COG2: variants seen among roughly 807,000 people sequenced by gnomAD.
COG2 encodes the protein conserved oligomeric Golgi complex subunit 2.
COG2 carries 52 observed loss-of-function variants against 90.6 expected under a neutral mutation model. The observed-to-expected ratio is 0.57, with a 90% CI of 0.46 to 0.72. The LOEUF (loss-of-function observed/expected upper bound fraction) is 0.72. COG2 is among the 30% of genes least tolerant of loss of function. The pLI, the probability that COG2 is intolerant of heterozygous loss-of-function variation, is 0.00. For synonymous variants in COG2, 337 were observed against 320.4 expected, an observed-to-expected ratio of 1.05 and a Z score of -0.55; for missense variants, 829 against 891.2, an observed-to-expected ratio of 0.93 and a Z score of 0.89.
At chr1:230,689,927 T>C in intron 15 of COG2, 87 bp from the exon 16 acceptor site, 1 of 1,326,398 alleles carries the variant, frequency 7.5e-7, no homozygotes, top group Non-Finnish European at 1.0e-6. Flanking sequence ...GTTAATAGTA[T>C]CCTTTTGGAC....
At chr1:230,651,277 T>C (rs1418757841) in intron 1 of COG2, among the ~76,000 whole-genome samples, 1 of 152,136 alleles carries the variant, frequency 6.6e-6, no homozygotes, top group Non-Finnish European at 1.5e-5. Flanking sequence ...TTTTACTTTT[T>C]GACGTTCAGC....
rs766265749 is a variant in COG2 at position 230,659,507 on chromosome 1, G to A, written c.116G>A (p.Arg39Gln). 3.0e-5 allele frequency: 49 copies of A among 1,613,842 alleles called. 1 individual carries two copies. In the South Asian group the frequency reaches 4.1e-4, roughly 13 times the overall value. ...VDHFVSDCRK[R>Q]VQLEELRDDL... is the part of the protein sequence containing the mutation. The stretch of plus-strand genomic sequence containing the variant: ...CATTTTGTGTCTGACTGTAGGAAGC[G>A]GGTCCAGCTGGAAGAACTGAGAGAT... Residue 39 changes from arginine (R) to glutamine (Q), a missense_variant, in exon 2 of 18, where the codon CGG (arginine) becomes CAG (glutamine). Physicochemically the swap from Arg to Gln is conservative, Grantham distance 43 (BLOSUM62 1). Coordinates refer to ENST00000366669, the MANE Select transcript of COG2 (RefSeq NM_007357.3).
chr1:230,642,709 G>A (rs1661653900), intron 1 of COG2, 31 bp downstream of exon 1: 6 of 1,600,602 alleles, frequency 3.7e-6, no homozygotes, highest in Middle Eastern at 1.7e-4. Context: ...CCGGAGCCGG[G>A]CCATGAGGGT....
At chr1:230,680,807 C>T (rs981887833) in intron 10 of COG2, 11 of 152,058 alleles carry the variant, frequency 7.2e-5, no homozygotes, top group African/African-American at 2.7e-4. Flanking sequence ...TGATTTTTAT[C>T]AGGTGTTGAG....
At chr1:230,647,224 T>A (rs1661809493) in intron 1 of COG2, among the ~76,000 whole-genome samples, 1 of 152,200 alleles carries the variant, frequency 6.6e-6, no homozygotes, top group Non-Finnish European at 1.5e-5. Flanking sequence ...CTATCTTGGT[T>A]ATCTGATTGA....
At chr1:230,681,364 A>C (rs1662743535) in intron 10 of COG2, 1 of 152,202 alleles carries the variant, frequency 6.6e-6, no homozygotes, top group Non-Finnish European at 1.5e-5. Context: ...TGCTGAACAC[A>C]GTCTTATGAT....
At chr1:230,687,239 G>C (rs949217762) in intron 13 of COG2, 107 bp downstream of exon 13, 1 of 849,538 alleles carries the variant, frequency 1.2e-6, no homozygotes. Flanking sequence ...CTTAAATTGG[G>C]GGACCCGTGG....
intron 4 of COG2, among the ~76,000 whole-genome samples, chr1:230,664,229 A>G (rs138275408): frequency 6.6e-6 from 1 of 151,518 alleles, no homozygotes; most frequent in Non-Finnish European, 1.5e-5. Flanking sequence ...AGGATATAAT[A>G]TAAGAAACCA....
chr1:230,663,714 A>T (rs943599989), intron 4 of COG2, among the ~76,000 whole-genome samples: 5 of 152,226 alleles, frequency 3.3e-5, no homozygotes, highest in Non-Finnish European at 7.3e-5. Flanking sequence ...ATGAGTTTTT[A>T]TAATGTTCCT....
At chr1:230,691,317 C>G in intron 16 of COG2, 67 bp from the exon 17 acceptor site, 1 of 1,375,626 alleles carries the variant, frequency 7.3e-7, no homozygotes, top group Non-Finnish European at 9.7e-7. Context: ...GTCCACAAAG[C>G]CAGTTACTCT....
chr1:230,659,036 T>G (rs1171766525), intron 1 of COG2, among the ~76,000 whole-genome samples: 1 of 152,160 alleles, frequency 6.6e-6, no homozygotes, highest in Non-Finnish European at 1.5e-5. Context: ...ATTAATAGAT[T>G]AATAGTGCTT....
intron 1 of COG2, among the ~76,000 whole-genome samples, chr1:230,643,686 C>T (rs1479898728): frequency 1.3e-5 from 2 of 152,118 alleles, no homozygotes; most frequent in African/African-American, 4.8e-5. Flanking sequence ...GTATCTTCTC[C>T]AGTGTGACCA....
intron 8 of COG2, among the ~76,000 whole-genome samples, chr1:230,674,324 A>T (rs1016265151): frequency 6.6e-6 from 1 of 152,220 alleles, no homozygotes; most frequent in African/African-American, 2.4e-5. Flanking sequence ...CCAATATCTG[A>T]ATCAGGCACA....
At chr1:230,685,328 T>C (rs1662862170) in intron 12 of COG2, 92 bp downstream of exon 12, 4 of 1,349,610 alleles carry the variant, frequency 3.0e-6, no homozygotes, top group Non-Finnish European at 4.1e-6. Context: ...GTAAATACCA[T>C]GAGAGGTTAA....
At chr1:230,672,015 T>TG (rs1662460329) in intron 8 of COG2, among the ~76,000 whole-genome samples, 1 of 152,364 alleles carries the variant, frequency 6.6e-6, no homozygotes, top group South Asian at 2.1e-4. Context: ...TTATACTAAT[T>TG]GTGAACTCAT....
At position 230,660,926 on chromosome 1, in the gene COG2, GT is replaced by G. The variant is rs1662166225; in HGVS notation, c.300+109del. On this transcript the variant is annotated intron_variant, in intron 3 of 17. Coordinates refer to ENST00000366669, the MANE Select transcript of COG2 (RefSeq NM_007357.3). ...TTAATCTGTTAGGTTGTTGATTTTTGTTTTTTGAATGTTTAGTAATTATAAT... is the reference window on the plus strand; with the variant it reads ...TTAATCTGTTAGGTTGTTGATTTTTGTTTTTGAATGTTTAGTAATTATAAT... 9 of 687,836 alleles carry G rather than the reference GT, an allele frequency of 1.3e-5. No individual in the cohort carries two copies. In the South Asian group the frequency reaches 2.3e-4, roughly 18 times the overall value. The allele number at this position is 687,836 out of a possible 1,614,324, so 42.6% of individuals were successfully genotyped here.
intron 1 of COG2, 189 bp downstream of exon 1, chr1:230,642,867 A>C: frequency 3.5e-6 from 2 of 574,796 alleles, no homozygotes; most frequent in Non-Finnish European, 6.1e-6. Flanking sequence ...TGGAGAAAGC[A>C]CTTCTGTAAA....
rs754611947 is a variant in COG2, at chr1:230,642,582, G to T, written c.-25G>T. 1 of 1,606,070 alleles carries T rather than the reference G, an allele frequency of 6.2e-7. No individual in the cohort carries two copies. Among genetic ancestry groups the T allele is most frequent in the Non-Finnish European group, 8.5e-7 (1 of 1,176,248 alleles). Reference sequence around the variant, plus strand: ...CCTGCGTTTTCTCGCTTGGATCTTGGCACTGAGAGGCGGTGGCCGGCGGGA... The same window carrying T: ...CCTGCGTTTTCTCGCTTGGATCTTGTCACTGAGAGGCGGTGGCCGGCGGGA... On this transcript the variant is annotated 5_prime_UTR_variant, in exon 1 of 18. Coordinates refer to ENST00000366669, the MANE Select transcript of COG2 (RefSeq NM_007357.3).
intron 11 of COG2, among the ~76,000 whole-genome samples, chr1:230,684,798 A>G (rs1053465525): frequency 3.9e-5 from 6 of 152,224 alleles, no homozygotes; most frequent in Admixed American, 1.3e-4. Context: ...TTTGGTATGA[A>G]GTACCTATTA....
Sources: gnomAD v4.1 joint callset for allele counts (sites outside exome capture counted in the v4.1 genomes callset) on GRCh38, gnomAD v4.1.1 for gene constraint, MANE v1.5 for transcripts, NCBI Gene and HGNC (gene_info 2026-07-23, HGNC 2026-07-21) for gene names.